The following GOLGA6L10 variants were observed in gnomAD, a reference collection of about 807,000 sequenced individuals.
GOLGA6L10 encodes the protein golgin subfamily A member 6-like protein 10.
GOLGA6L10 carries 4 observed loss-of-function variants against 56.9 expected under a neutral mutation model. The observed-to-expected ratio is 0.07, with a 90% CI of 0.03 to 0.16. GOLGA6L10 has a LOEUF of 0.16. GOLGA6L10 is among the 10% of genes least tolerant of loss of function. The pLI, the probability that GOLGA6L10 is intolerant of heterozygous loss-of-function variation, is 1.00. For synonymous variants in GOLGA6L10, 11 were observed against 220.9 expected (o/e 0.05, Z 8.43); for missense variants, 34 against 558.3 (o/e 0.06, Z 9.46).
intron 7 of GOLGA6L10, among the ~76,000 whole-genome samples, chr15:82,344,005 C>T: frequency 6.7e-6 from 1 of 150,254 alleles, no homozygotes; most frequent in Non-Finnish European, 1.5e-5. Context: ...GTCTCTTCCT[C>T]TGTGATTGGG....
rs1225080057 is a variant in GOLGA6L10 at position 82,345,364 on chromosome 15, T to G, written c.496A>C (p.Thr166Pro). The change falls in exon 6 of 9, where the codon ACC becomes CCC. Residue 166 changes from threonine to proline, a missense_variant. By Grantham distance (38) the Thr-to-Pro change is conservative. Transcript: ENST00000610657. ...PSKVEQLQDETNHLRKELESV... is the reference protein window; with the variant it reads ...PSKVEQLQDEPNHLRKELESV... ...TCTAGCTCCTTCCTTAGGTGGTTGG[T>G]CTCATCTTGTAGCTGCTCCACCTTA... is the stretch of plus-strand genomic sequence containing the variant. 6.3e-7 allele frequency: 1 copy of G among 1,599,554 alleles called. No individual in the cohort carries two copies. Among genetic ancestry groups the G allele is most frequent in the African/African-American group, 1.3e-5 (1 of 74,780 alleles).
chr15:82,342,750 T>C lies in GOLGA6L10; in HGVS notation c.*26A>G, dbSNP rs2075648132. On this transcript the variant is annotated 3_prime_UTR_variant, in exon 9 of 9. Coordinates refer to ENST00000610657, the MANE Select transcript of GOLGA6L10 (RefSeq NM_001164465.3). ...TTAACCCCTTAAATGTTTTGTTTTT[T>C]TTTTTTTCAATTTCTTGACCCGCTC... 1 of 1,601,622 alleles carries C rather than the reference T, an allele frequency of 6.2e-7. No individual in the cohort carries two copies.
rs1267506098 is a variant in GOLGA6L10, at chr15:82,340,488, A to G, written c.*2288T>C. The G allele has an allele frequency of 2.6e-5, 4 of 151,356 alleles. No homozygotes were observed. The highest frequency in any genetic ancestry group is 6.6e-5 in the Admixed American group (1 of 15,048). The allele number at this position is 151,356 out of a possible 1,614,324, so 9.4% of individuals were successfully genotyped here. On this transcript the variant is annotated 3_prime_UTR_variant, in exon 9 of 9. Transcript: ENST00000610657. ...CATATATTGCAGTCTTTAAATAGGT[A>G]TTTTGATTCTTTACTTCCTACAGAA...
rs2075646598 is a variant in GOLGA6L10 at position 82,342,587 on chromosome 15, T to C, written c.*189A>G. 4.0e-6 allele frequency: 5 copies of C among 1,245,570 alleles called. No homozygotes were observed. Among genetic ancestry groups the C allele is most frequent in the Middle Eastern group, 2.8e-4 (1 of 3,554 alleles). The allele number at this position is 1,245,570 out of a possible 1,614,324, so 77.2% of individuals were successfully genotyped here. A position where few individuals can be genotyped will look rare whatever the true frequency, so the allele number is the denominator to read the frequency against. ...ATTATAAATTAGAAACACAAATAAATTTAAACTATAAATTAGAAACACAAA... is the reference window on the plus strand; with the variant it reads ...ATTATAAATTAGAAACACAAATAAACTTAAACTATAAATTAGAAACACAAA... On this transcript the variant is annotated 3_prime_UTR_variant, in exon 9 of 9. Transcript: ENST00000610657.
rs1480047401 is a variant in GOLGA6L10, at chr15:82,340,299, A to G, written c.*2477T>C. 4 of 151,412 alleles carry G rather than the reference A, an allele frequency of 2.6e-5. No individual in the cohort carries two copies. The highest frequency in any genetic ancestry group is 2.1e-4 in the South Asian group (1 of 4,768). The allele number at this position is 151,412 out of a possible 1,614,324, so 9.4% of individuals were successfully genotyped here. ...TAATTTAACAGTTACATTTTTGAAT[A>G]GTTATTTGAAAGTGACTGTAAGATA... On this transcript the variant is annotated 3_prime_UTR_variant, in exon 9 of 9. Coordinates refer to ENST00000610657, the MANE Select transcript of GOLGA6L10 (RefSeq NM_001164465.3).
chr15:82,344,323 T>G lies in GOLGA6L10; in HGVS notation c.1273-2A>C, dbSNP rs2075661497. ...CAGTGTGCTCTTGTTCTCGTTGTTC[T>G]GGACAGAGAGAAGCAATCAGTGGCC... is the stretch of plus-strand genomic sequence containing the variant. On this transcript the variant is annotated splice_acceptor_variant, in intron 6 of 8. Transcript: ENST00000610657. LOFTEE classifies it high-confidence loss of function. 1 of 1,565,168 alleles carries G rather than the reference T, an allele frequency of 6.4e-7. No individual in the cohort carries two copies. Among genetic ancestry groups the G allele is most frequent in the African/African-American group, 1.5e-5 (1 of 66,898 alleles).
At chr15:82,346,673 G>C in intron 3 of GOLGA6L10, 32 bp from the exon 4 acceptor site, 1 of 1,609,688 alleles carries the variant, frequency 6.2e-7, no homozygotes, top group South Asian at 1.1e-5. Context: ...GGAGTTGGAG[G>C]AAGATTGTGG....
At position 82,342,138 on chromosome 15, in the gene GOLGA6L10, G is replaced by A. The variant is rs1292494647; in HGVS notation, c.*638C>T. On this transcript the variant is annotated 3_prime_UTR_variant, in exon 9 of 9. Transcript: ENST00000610657. ...TCCCATCCCCAATACACAGAAAAAG[G>A]GGGAAAGGCTGTTTCCAGTGCTCCA... The A allele has an allele frequency of 1.9e-5, 3 of 158,348 alleles. No homozygotes were observed. Among genetic ancestry groups the A allele is most frequent in the Non-Finnish European group, 2.8e-5 (2 of 72,102 alleles). The allele number at this position is 158,348 out of a possible 1,614,324, so 9.8% of individuals were successfully genotyped here.
rs1426941666 is a variant in GOLGA6L10, at chr15:82,340,658, G to A, written c.*2118C>T. The A allele has an allele frequency of 6.6e-6, 1 of 151,154 alleles. No homozygotes were observed. The highest frequency in any genetic ancestry group is 2.4e-5 in the African/African-American group (1 of 41,400). 9.4% of individuals were successfully genotyped at this position (151,154 alleles called of 1,614,324 possible). The stretch of plus-strand genomic sequence containing the variant: ...CAAATACTTGGCTGAATGAGGTACT[G>A]CAAGAGACTGCATGCACTTTGAAGA... On this transcript the variant is annotated 3_prime_UTR_variant, in exon 9 of 9. Transcript: ENST00000610657.
Position 82,340,531 on chromosome 15 carries a change from C to A in GOLGA6L10, c.*2245G>T, listed in dbSNP as rs1269193764. 11 of 150,972 alleles carry A rather than the reference C, an allele frequency of 7.3e-5. No individual in the cohort carries two copies. Among genetic ancestry groups the A allele is most frequent in the African/African-American group, 2.7e-4 (11 of 41,288 alleles). The allele number at this position is 150,972 out of a possible 1,614,324, so 9.4% of individuals were successfully genotyped here. The stretch of plus-strand genomic sequence containing the variant: ...CTACAGAAATTCAAATTTATTCAGT[C>A]AAACTCACATTTTAAAATTCTCTCT... On this transcript the variant is annotated 3_prime_UTR_variant, in exon 9 of 9. Coordinates refer to ENST00000610657, the MANE Select transcript of GOLGA6L10 (RefSeq NM_001164465.3).
rs1279417370 is a variant in GOLGA6L10 at position 82,340,047 on chromosome 15, G to T, written c.*2729C>A. 2 of 151,420 alleles carry T rather than the reference G, an allele frequency of 1.3e-5. No homozygotes were observed. The highest frequency in any genetic ancestry group is 2.4e-5 in the African/African-American group (1 of 41,418). The allele number at this position is 151,420 out of a possible 1,614,324, so 9.4% of individuals were successfully genotyped here. ...TCTAATAATTTATTACATTACAGTA[G>T]CATCACAGAAGCAGTCAATAATGCC... On this transcript the variant is annotated 3_prime_UTR_variant, in exon 9 of 9. Coordinates refer to ENST00000610657, the MANE Select transcript of GOLGA6L10 (RefSeq NM_001164465.3).
chr15:82,347,692 T>G (rs1401290645), intron 1 of GOLGA6L10, 63 bp from the exon 2 acceptor site: 1 of 1,600,676 alleles, frequency 6.2e-7, no homozygotes, highest in African/African-American at 1.3e-5. Flanking sequence ...ACATCCTCCT[T>G]TACAGTTTTG....
intron 1 of GOLGA6L10, among the ~76,000 whole-genome samples, chr15:82,347,932 C>T (rs1359861405): frequency 1.3e-5 from 2 of 152,150 alleles, no homozygotes; most frequent in African/African-American, 4.8e-5. Flanking sequence ...TAGAAAAGCA[C>T]ACATTAAGCA....
rs1323459571 is a variant in GOLGA6L10, at chr15:82,346,346, G to A, written c.345+215C>T. ...CATGTGTGGCAAGGACTAGAGCAGG[G>A]GTGTCTGGAGAAGAGAGAGTCAGCA... is the stretch of plus-strand genomic sequence containing the variant. On this transcript the variant is annotated intron_variant, in intron 4 of 8. Transcript: ENST00000610657. 6.3e-5 allele frequency among the ~76,000 whole-genome samples: 8 copies of A among 127,826 alleles called. No individual in the cohort carries two copies. The Admixed American group carries it at 6.4e-4, about 10-fold the overall frequency. The allele number at this position is 127,826 out of a possible 152,430, so 83.9% of individuals were successfully genotyped here.
At chr15:82,347,853 C>T (rs1257199281) in intron 1 of GOLGA6L10, among the ~76,000 whole-genome samples, 4 of 152,250 alleles carry the variant, frequency 2.6e-5, no homozygotes, top group African/African-American at 9.7e-5. Flanking sequence ...AAACTCAGTC[C>T]TCTGACTCCA....
At chr15:82,348,161 C>A (rs2075699125) in intron 1 of GOLGA6L10, among the ~76,000 whole-genome samples, 1 of 152,176 alleles carries the variant, frequency 6.6e-6, no homozygotes, top group South Asian at 2.1e-4. Flanking sequence ...TGTCTGTCAT[C>A]CCCAAGTACA....
rs1459199136 is a variant in GOLGA6L10, at chr15:82,340,363, A to C, written c.*2413T>G. 17 of 151,458 alleles carry C rather than the reference A, an allele frequency of 1.1e-4. No individual in the cohort carries two copies. The highest frequency in any genetic ancestry group is 1.9e-4 in the Non-Finnish European group (13 of 67,814). The allele number at this position is 151,458 out of a possible 1,614,324, so 9.4% of individuals were successfully genotyped here. On this transcript the variant is annotated 3_prime_UTR_variant, in exon 9 of 9. Coordinates refer to ENST00000610657, the MANE Select transcript of GOLGA6L10 (RefSeq NM_001164465.3). ...TCTATTTTGGATAGGGTTGATTTAC[A>C]TTTTCACATTTTCTAAAAATCAGCT...
At chr15:82,347,873 G>A (rs1400121390) in intron 1 of GOLGA6L10, among the ~76,000 whole-genome samples, 3 of 152,392 alleles carry the variant, frequency 2.0e-5, no homozygotes, top group Non-Finnish European at 4.4e-5. Context: ...ACGCTCTGGG[G>A]TTTTGCCATG....
rs2075636131 is a variant in GOLGA6L10 at position 82,340,391 on chromosome 15, G to T, written c.*2385C>A. 1 of 151,344 alleles carries T rather than the reference G, an allele frequency of 6.6e-6. No homozygotes were observed. The highest frequency in any genetic ancestry group is 1.5e-5 in the Non-Finnish European group (1 of 67,798). 9.4% of individuals were successfully genotyped at this position (151,344 alleles called of 1,614,324 possible). On this transcript the variant is annotated 3_prime_UTR_variant, in exon 9 of 9. Transcript: ENST00000610657. ...TTCACATTTTCTAAAAATCAGCTTTGGTTTTAGAACTGATTGTTTTTCATT... is the reference window on the plus strand; with the variant it reads ...TTCACATTTTCTAAAAATCAGCTTTTGTTTTAGAACTGATTGTTTTTCATT...
Sources: allele counts gnomAD v4.1 joint callset (sites outside exome capture counted in the v4.1 genomes callset), GRCh38; gene constraint gnomAD v4.1.1; transcripts MANE v1.5; gene names NCBI Gene and HGNC (gene_info 2026-07-23, HGNC 2026-07-21).